Variants in FER1L6 observed in about 807,000 individuals in gnomAD.
FER1L6 encodes fer-1 like family member 6.
A neutral mutation model predicts 219.2 loss-of-function variants in FER1L6; 177 were observed. That is an observed-to-expected ratio of 0.81 (90% confidence interval 0.71 to 0.91). FER1L6 has a LOEUF of 0.91. Ranked by LOEUF, FER1L6 falls within the 40% of genes least tolerant of loss-of-function variation. The pLI, the probability that FER1L6 is intolerant of heterozygous loss-of-function variation, is 0.00. For missense variants in FER1L6, 2,153 were observed against 2,259.9 expected, an observed-to-expected ratio of 0.95 and a Z score of 0.96; for synonymous variants, 768 against 824.3, an observed-to-expected ratio of 0.93 and a Z score of 1.17.
chr8:123,989,182 A>G (rs1222101828), intron 12 of FER1L6, among the ~76,000 whole-genome samples: 1 of 152,180 alleles, frequency 6.6e-6, no homozygotes, highest in Non-Finnish European at 1.5e-5. Flanking sequence ...CCACTTGGTC[A>G]TGATGAATGA....
At chr8:123,910,889 G>A (rs1813037929) in intron 1 of FER1L6, among the ~76,000 whole-genome samples, 1 of 152,180 alleles carries the variant, frequency 6.6e-6, no homozygotes, top group Non-Finnish European at 1.5e-5. Flanking sequence ...GAAATTGATG[G>A]TCAGGTGGAA....
intron 12 of FER1L6, among the ~76,000 whole-genome samples, chr8:123,991,344 G>A (rs1226384929): frequency 1.3e-5 from 2 of 152,282 alleles, no homozygotes; most frequent in East Asian, 3.9e-4. Context: ...CCATGAGCAT[G>A]AGATGTGTTT....
intron 1 of FER1L6, among the ~76,000 whole-genome samples, chr8:123,946,857 C>G: frequency 6.6e-6 from 1 of 152,192 alleles, no homozygotes; most frequent in Non-Finnish European, 1.5e-5. Flanking sequence ...CACAAAGACA[C>G]GGAAATGACT....
chr8:123,996,369 ATCC>A (rs1280944959), intron 12 of FER1L6, among the ~76,000 whole-genome samples: 1 of 152,098 alleles, frequency 6.6e-6, no homozygotes, highest in East Asian at 1.9e-4. Context: ...CAATTGTTAT[ATCC>A]TCCTGCTGAA....
At chr8:123,858,927 T>C (rs1194596938) in intron 1 of FER1L6, among the ~76,000 whole-genome samples, 1 of 152,194 alleles carries the variant, frequency 6.6e-6, no homozygotes, top group Non-Finnish European at 1.5e-5. Flanking sequence ...TTTTAAAAAA[T>C]GTTTTTAAAA....
At chr8:124,095,268 G>C (rs1822231487) in intron 35 of FER1L6, among the ~76,000 whole-genome samples, 1 of 152,186 alleles carries the variant, frequency 6.6e-6, no homozygotes, top group Non-Finnish European at 1.5e-5. Context: ...CTCCAACAGG[G>C]AATTATCCAG....
intron 1 of FER1L6, among the ~76,000 whole-genome samples, chr8:123,918,716 G>A (rs1173433292): frequency 6.6e-6 from 1 of 151,822 alleles, no homozygotes; most frequent in South Asian, 2.1e-4. Context: ...GCGGGGGGGT[G>A]GTCATCGAAT....
rs566678528 is a variant in FER1L6, at chr8:123,853,974, A to G, written c.-8+1789A>G. On this transcript the variant is annotated intron_variant, in intron 1 of 40. Transcript: ENST00000522917. The surrounding 1 kb of genome is among the most constrained non-coding windows in gnomAD (Gnocchi z 6.6). ...CTGTGGGCCTGGCTCTCAGGGAAGC[A>G]TCAGGGACCGTGATTAGAAAGTTTA... Among the ~76,000 whole-genome samples, 1 of 152,292 alleles carries G rather than the reference A, an allele frequency of 6.6e-6. No homozygotes were observed. Among genetic ancestry groups the G allele is most frequent in the South Asian group, 2.1e-4 (1 of 4,820 alleles).
intron 1 of FER1L6, among the ~76,000 whole-genome samples, chr8:123,867,465 C>G (rs146891630): frequency 1.1e-3 from 164 of 152,294 alleles, no homozygotes; most frequent in African/African-American, 3.9e-3. Context: ...TTTTCTGATA[C>G]AAGATGTAAT....
At chr8:124,085,924 T>C (rs1023658694) in intron 33 of FER1L6, among the ~76,000 whole-genome samples, 3 of 152,224 alleles carry the variant, frequency 2.0e-5, no homozygotes, top group African/African-American at 7.2e-5. Context: ...GCAACTGTTA[T>C]ATCCTGTTGC....
At chr8:123,941,900 G>A (rs1268711174) in intron 1 of FER1L6, among the ~76,000 whole-genome samples, 2 of 151,934 alleles carry the variant, frequency 1.3e-5, no homozygotes, top group African/African-American at 2.4e-5. Flanking sequence ...GTGTACCCTC[G>A]GACCACCTCA....
chr8:124,109,071 T>A (rs1299050674), intron 39 of FER1L6, among the ~76,000 whole-genome samples: 1 of 151,956 alleles, frequency 6.6e-6, no homozygotes, highest in Non-Finnish European at 1.5e-5. Context: ...TGAGAAAAAA[T>A]TCAGGATATG....
At chr8:124,117,221 G>T (rs994600589) in intron 39 of FER1L6, among the ~76,000 whole-genome samples, 1 of 152,142 alleles carries the variant, frequency 6.6e-6, no homozygotes, top group Non-Finnish European at 1.5e-5. Context: ...TGATCTCTGT[G>T]ATTTCATTTC....
chr8:124,071,616 A>G lies in FER1L6; in HGVS notation c.4077A>G (p.Arg1359=). Residue 1359 remains arginine (R), a synonymous_variant, in exon 31 of 41, where the codon AGA becomes AGG. Transcript: ENST00000522917. The part of the protein sequence containing the change: ...PPNHPVTVLI[R]VYIVAAFNLS... ...ATCACCCTGTCACAGTGCTGATCAG[A>G]GTATACATTGTCGCGGTGAGCCATT... is the stretch of plus-strand genomic sequence containing the variant. 6.2e-7 allele frequency: 1 copy of G among 1,613,620 alleles called. No homozygotes were observed. The highest frequency in any genetic ancestry group is 8.5e-7 in the Non-Finnish European group (1 of 1,179,614).
chr8:123,947,216 G>A (rs1814538701), intron 1 of FER1L6, among the ~76,000 whole-genome samples: 1 of 151,808 alleles, frequency 6.6e-6, no homozygotes. Flanking sequence ...AACCTGGGAG[G>A]TGGAGGGCAA....
intron 18 of FER1L6, among the ~76,000 whole-genome samples, chr8:124,025,286 C>G (rs1455147715): frequency 6.6e-6 from 1 of 151,838 alleles, no homozygotes; most frequent in Non-Finnish European, 1.5e-5. Context: ...TCTAGGTTTT[C>G]TTCCAGAGTT....
At chr8:124,095,189 T>TGGCATATAGTG in intron 35 of FER1L6, 151 bp downstream of exon 35, 1 of 993,998 alleles carries the variant, frequency 1.0e-6, no homozygotes, top group Non-Finnish European at 1.5e-6. Flanking sequence ...GGGTTGCTAC[T>TGGCATATAGTG]GGCATATAGT....
At chr8:124,059,833 A>G (rs575966345) in intron 22 of FER1L6, among the ~76,000 whole-genome samples, 128 of 152,260 alleles carry the variant, frequency 8.4e-4, no homozygotes, top group African/African-American at 3.0e-3. Flanking sequence ...AACTGATAGA[A>G]GCTCCTTCTC....
At chr8:123,869,495 G>C (rs1170590587) in intron 1 of FER1L6, among the ~76,000 whole-genome samples, 4 of 152,200 alleles carry the variant, frequency 2.6e-5, no homozygotes, top group Middle Eastern at 3.4e-3. Flanking sequence ...TATCTGACTG[G>C]ATGAGTGGTG....
Sources: allele counts gnomAD v4.1 joint callset (sites outside exome capture counted in the v4.1 genomes callset), GRCh38; gene constraint gnomAD v4.1.1; non-coding constraint Gnocchi (gnomAD v3.1); transcripts MANE v1.5; gene names NCBI Gene and HGNC (gene_info 2026-07-23, HGNC 2026-07-21).